CCSER1: variants seen among roughly 807,000 people sequenced by gnomAD.
CCSER1 encodes serine-rich coiled-coil domain-containing protein 1.
In CCSER1, 41 loss-of-function variants were observed where a neutral mutation model predicts 82.0. The ratio of observed to expected loss-of-function variants is 0.50; its 90% CI spans 0.39 to 0.65. The LOEUF is 0.65. Among genes scored for constraint, CCSER1 ranks in the 30% least tolerant of loss-of-function variants. The pLI is 0.00. For synonymous variants in CCSER1, 414 were observed against 383.9 expected (o/e 1.08, Z -0.92); for missense variants, 1,119 against 1,064.2 (o/e 1.05, Z -0.72).
At chr4:90,842,539 A>G (rs186484524) in intron 8 of CCSER1, among the ~76,000 whole-genome samples, 1 of 152,302 alleles carries the variant, frequency 6.6e-6, no homozygotes, top group African/African-American at 2.4e-5. Context: ...AGGAGGAGGA[A>G]ATTTGGGAAT....
At chr4:90,668,446 C>T (rs1012032605) in intron 6 of CCSER1, among the ~76,000 whole-genome samples, 12 of 152,012 alleles carry the variant, frequency 7.9e-5, no homozygotes, top group East Asian at 5.8e-4. Context: ...TCAAATTACG[C>T]GATTGATAAT....
chr4:90,493,996 C>T (rs567405638), intron 5 of CCSER1, among the ~76,000 whole-genome samples: 22 of 152,278 alleles, frequency 1.4e-4, no homozygotes, highest in African/African-American at 3.6e-4. Context: ...CAAGACCCAT[C>T]AGTGTGCTGT....
chr4:90,782,460 T>C lies in CCSER1; in HGVS notation c.2011-33302T>C, dbSNP rs182940330. ...GTTAATAGGGAAGTGAAGAAATATA[T>C]TTAAAAAACTCTATTAAGGCTTTTT... On this transcript the variant is annotated intron_variant, in intron 7 of 10. Coordinates refer to ENST00000509176, the MANE Select transcript of CCSER1 (RefSeq NM_001145065.2). Among the ~76,000 whole-genome samples the C allele has an allele frequency of 4.0e-3, 605 of 152,244 alleles. 5 individuals carry two copies. The highest frequency in any genetic ancestry group is 9.2e-3 in the Admixed American group (141 of 15,290).
chr4:91,097,469 A>T (rs144047420), intron 10 of CCSER1, among the ~76,000 whole-genome samples: 133 of 152,300 alleles, frequency 8.7e-4, no homozygotes, highest in African/African-American at 2.9e-3. Context: ...CTTGGCAGGG[A>T]TAATGTTGAT....
At chr4:91,201,201 T>A (rs901765186) in intron 10 of CCSER1, among the ~76,000 whole-genome samples, 2 of 152,090 alleles carry the variant, frequency 1.3e-5, no homozygotes, top group African/African-American at 4.8e-5. Context: ...AACTTATTTG[T>A]ATTTCTAGGG....
At chr4:91,100,873 T>A (rs553270921) in intron 10 of CCSER1, among the ~76,000 whole-genome samples, 1 of 152,204 alleles carries the variant, frequency 6.6e-6, no homozygotes, top group Admixed American at 6.5e-5. Flanking sequence ...TCTACTTCAG[T>A]AAGAAAGATC....
At chr4:90,543,318 T>A (rs568340276) in intron 5 of CCSER1, among the ~76,000 whole-genome samples, 1 of 152,278 alleles carries the variant, frequency 6.6e-6, no homozygotes, top group East Asian at 1.9e-4. Flanking sequence ...CACTGCCAGG[T>A]GCAATTTGAG....
chr4:90,800,481 A>T (rs990937564), intron 7 of CCSER1, among the ~76,000 whole-genome samples: 5 of 152,174 alleles, frequency 3.3e-5, no homozygotes, highest in African/African-American at 1.2e-4. Context: ...CTTAAGAAAT[A>T]CAGGTAGAAT....
At chr4:90,485,216 C>T (rs774958035) in intron 5 of CCSER1, among the ~76,000 whole-genome samples, 12 of 152,212 alleles carry the variant, frequency 7.9e-5, no homozygotes, top group African/African-American at 1.4e-4. Context: ...TTGTTAAGCC[C>T]GTTGGAAGAG....
chr4:91,199,017 T>G (rs1337648364), intron 10 of CCSER1, among the ~76,000 whole-genome samples: 1 of 152,268 alleles, frequency 6.6e-6, no homozygotes, highest in South Asian at 2.1e-4. Context: ...ATCTCCAGTC[T>G]CACAGCCTAC....
intron 10 of CCSER1, among the ~76,000 whole-genome samples, chr4:91,346,596 T>C (rs1748081184): frequency 6.6e-6 from 1 of 152,208 alleles, no homozygotes; most frequent in Non-Finnish European, 1.5e-5. Context: ...CTATTTTGCG[T>C]ATCCACCAGC....
chr4:91,321,019 T>C (rs1455495779), intron 10 of CCSER1, among the ~76,000 whole-genome samples: 1 of 152,096 alleles, frequency 6.6e-6, no homozygotes, highest in Non-Finnish European at 1.5e-5. Flanking sequence ...CATGATTGTT[T>C]TACCTTGTCT....
chr4:90,992,823 G>T (rs1413326096), intron 9 of CCSER1, among the ~76,000 whole-genome samples: 1 of 151,856 alleles, frequency 6.6e-6, no homozygotes, highest in African/African-American at 2.4e-5. Flanking sequence ...CTTACCCAAA[G>T]TAAGACAGGG....
chr4:91,320,037 G>T (rs186317838), intron 10 of CCSER1, among the ~76,000 whole-genome samples: 2 of 152,106 alleles, frequency 1.3e-5, no homozygotes, highest in Non-Finnish European at 2.9e-5. Context: ...GGGTATTCAT[G>T]CTGTCTGTGC....
intron 8 of CCSER1, among the ~76,000 whole-genome samples, chr4:90,889,388 C>T (rs1372556162): frequency 1.2e-4 from 19 of 152,086 alleles, no homozygotes; most frequent in Non-Finnish European, 1.9e-4. Context: ...CTCCTTCTCC[C>T]CACGCAAGTT....
At chr4:90,205,193 T>C (rs942260586) in intron 1 of CCSER1, among the ~76,000 whole-genome samples, 2 of 152,186 alleles carry the variant, frequency 1.3e-5, no homozygotes, top group Non-Finnish European at 2.9e-5. Context: ...TTTCTTTCTC[T>C]TGCCTGATTG....
chr4:90,560,835 A>C (rs1365517721), intron 5 of CCSER1, among the ~76,000 whole-genome samples: 1 of 152,144 alleles, frequency 6.6e-6, no homozygotes, highest in East Asian at 1.9e-4. Context: ...TAAAGACTGA[A>C]AATGTTGCTA....
chr4:91,463,400 A>G (rs555515160), intron 10 of CCSER1, among the ~76,000 whole-genome samples: 3 of 152,268 alleles, frequency 2.0e-5, no homozygotes, highest in African/African-American at 7.2e-5. Context: ...AACCACAAAG[A>G]TGGGGAAAAA....
intron 1 of CCSER1, among the ~76,000 whole-genome samples, chr4:90,303,147 T>A (rs186117535): frequency 6.6e-6 from 1 of 152,328 alleles, no homozygotes; most frequent in East Asian, 1.9e-4. Flanking sequence ...ATCTATGATG[T>A]TTTTACTTAA....
Sources: allele counts gnomAD v4.1 joint callset (sites outside exome capture counted in the v4.1 genomes callset), GRCh38; gene constraint gnomAD v4.1.1; transcripts MANE v1.5; gene names NCBI Gene and HGNC (gene_info 2026-07-23, HGNC 2026-07-21).